Variants in NRXN3 observed in about 807,000 individuals in gnomAD.
The protein encoded by NRXN3 is neurexin III.
Under a neutral mutation model 137.6 loss-of-function variants are expected in NRXN3, and 32 were observed. The observed-to-expected ratio is 0.23, with a 90% CI of 0.18 to 0.31. The LOEUF is 0.31. NRXN3 is among the 10% of genes least tolerant of loss of function. The pLI is 1.00. For synonymous variants in NRXN3, 798 were observed against 784.5 expected, an observed-to-expected ratio of 1.02 and a Z score of -0.29; for missense variants, 1,574 against 2,062.5, an observed-to-expected ratio of 0.76 and a Z score of 4.59.
intron 15 of NRXN3, among the ~76,000 whole-genome samples, chr14:79,124,262 T>C (rs1262562982): frequency 6.6e-6 from 1 of 152,210 alleles, no homozygotes; most frequent in Admixed American, 6.5e-5. Flanking sequence ...CTTCATTGCC[T>C]GCTCTCAGGC....
chr14:78,541,837 C>T (rs1263527791), intron 4 of NRXN3, among the ~76,000 whole-genome samples: 1 of 152,130 alleles, frequency 6.6e-6, no homozygotes, highest in Admixed American at 6.5e-5. Flanking sequence ...TGATGCTATT[C>T]TTTTCTGTTT....
chr14:78,959,211 A>G (rs549486894), intron 11 of NRXN3, among the ~76,000 whole-genome samples: 1 of 151,904 alleles, frequency 6.6e-6, no homozygotes, highest in South Asian at 2.1e-4. Context: ...GCACATATCC[A>G]GTGCCCAGTA....
At chr14:78,357,645 T>C (rs1008669258) in intron 4 of NRXN3, among the ~76,000 whole-genome samples, 1 of 152,180 alleles carries the variant, frequency 6.6e-6, no homozygotes, top group Non-Finnish European at 1.5e-5. Flanking sequence ...ATTTTAAGCA[T>C]AGCCAATACA....
intron 4 of NRXN3, among the ~76,000 whole-genome samples, chr14:78,314,094 C>T (rs1358933275): frequency 6.6e-6 from 1 of 152,028 alleles, no homozygotes; most frequent in Admixed American, 6.6e-5. Flanking sequence ...TTTGTCTGTA[C>T]CAAATGCCAC....
At chr14:78,996,577 T>C (rs1359857943) in intron 15 of NRXN3, among the ~76,000 whole-genome samples, 1 of 152,194 alleles carries the variant, frequency 6.6e-6, no homozygotes, top group Non-Finnish European at 1.5e-5. Context: ...TTGGGGGGGA[T>C]GCTATTTTAT....
At chr14:79,215,255 G>C (rs2153228759) in intron 15 of NRXN3, among the ~76,000 whole-genome samples, 1 of 152,234 alleles carries the variant, frequency 6.6e-6, no homozygotes, top group South Asian at 2.1e-4. Context: ...GCCCATCCCA[G>C]CACTATTTAA....
chr14:78,327,425 T>C (rs182511241), intron 4 of NRXN3, among the ~76,000 whole-genome samples: 1 of 152,282 alleles, frequency 6.6e-6, no homozygotes, highest in East Asian at 1.9e-4. Context: ...TTTTAGCTTC[T>C]TAGGAGCTTT....
intron 9 of NRXN3, among the ~76,000 whole-genome samples, chr14:78,809,886 G>T (rs1003833602): frequency 2.6e-5 from 4 of 152,000 alleles, no homozygotes; most frequent in Admixed American, 2.6e-4. Flanking sequence ...CGAATTTTAA[G>T]AAAATAAATT....
Position 79,259,747 on chromosome 14 carries a change from T to TAC in NRXN3, c.3263-207465_3263-207464dup, listed in dbSNP as rs2077330347. ...ACACACACACACACACACACACATA[T>TAC]ACACACACACTTAGCTTTTCTGTTT... On this transcript the variant is annotated intron_variant, in intron 15 of 20. Transcript: ENST00000335750. Among the ~76,000 whole-genome samples, 3 of 145,212 alleles carry TAC rather than the reference T, an allele frequency of 2.1e-5. No individual in the cohort carries two copies. In the South Asian group the frequency reaches 6.6e-4, roughly 32 times the overall value.
chr14:79,651,538 GA>G (rs985632898), intron 16 of NRXN3, among the ~76,000 whole-genome samples: 71 of 149,480 alleles, frequency 4.7e-4, no homozygotes, highest in Non-Finnish European at 8.5e-4. Context: ...GGTGTGACAG[GA>G]AAAAAAAAGA....
chr14:79,172,753 T>C (rs2061914179), intron 15 of NRXN3, among the ~76,000 whole-genome samples: 1 of 152,162 alleles, frequency 6.6e-6, no homozygotes, highest in Admixed American at 6.5e-5. Flanking sequence ...GAAGAATAAA[T>C]ATCTGAGGAT....
At chr14:78,460,987 C>G (rs997630326) in intron 4 of NRXN3, among the ~76,000 whole-genome samples, 1 of 152,132 alleles carries the variant, frequency 6.6e-6, no homozygotes, top group Non-Finnish European at 1.5e-5. Context: ...GGCCTGTTGG[C>G]ATATGTCTAA....
intron 1 of NRXN3, among the ~76,000 whole-genome samples, chr14:78,226,659 T>C (rs1159022807): frequency 6.6e-6 from 1 of 152,222 alleles, no homozygotes; most frequent in East Asian, 1.9e-4. Flanking sequence ...TCCAGAATTA[T>C]CCAGTGAGCC....
At chr14:79,718,195 G>GATAAAAC (rs1234127825) in intron 19 of NRXN3, among the ~76,000 whole-genome samples, 1 of 152,174 alleles carries the variant, frequency 6.6e-6, no homozygotes, top group Non-Finnish European at 1.5e-5. Context: ...AGATTGGAAT[G>GATAAAAC]ATAAAACATG....
intron 15 of NRXN3, among the ~76,000 whole-genome samples, chr14:79,284,152 A>G (rs961804583): frequency 1.3e-5 from 2 of 150,228 alleles, no homozygotes; most frequent in African/African-American, 4.9e-5. Flanking sequence ...ACTTTTGTAT[A>G]TTTTTTCCTT....
intron 4 of NRXN3, among the ~76,000 whole-genome samples, chr14:78,361,747 G>A (rs766235791): frequency 1.3e-4 from 20 of 152,136 alleles, no homozygotes; most frequent in Non-Finnish European, 2.5e-4. Context: ...TATCTATGGT[G>A]TATTTTGAAA....
intron 10 of NRXN3, among the ~76,000 whole-genome samples, chr14:78,818,612 T>G (rs944559174): frequency 6.6e-6 from 1 of 152,154 alleles, no homozygotes; most frequent in Non-Finnish European, 1.5e-5. Flanking sequence ...TGGTTGAAAG[T>G]AAGGAAAATT....
intron 20 of NRXN3, among the ~76,000 whole-genome samples, chr14:79,839,351 AG>A (rs1051089342): frequency 2.0e-5 from 3 of 152,144 alleles, no homozygotes; most frequent in African/African-American, 7.2e-5. Context: ...AAATGAAAAG[AG>A]AAATGTGATG....
chr14:78,583,480 T>C (rs953825656), intron 4 of NRXN3, among the ~76,000 whole-genome samples: 1 of 151,750 alleles, frequency 6.6e-6, no homozygotes, highest in Non-Finnish European at 1.5e-5. Context: ...AAGTGGAATC[T>C]TAGGCTCTCA....
Sources: allele counts gnomAD v4.1 joint callset (sites outside exome capture counted in the v4.1 genomes callset), GRCh38; gene constraint gnomAD v4.1.1; transcripts MANE v1.5; gene names NCBI Gene and HGNC (gene_info 2026-07-23, HGNC 2026-07-21).